Variants in CFAP299 observed in about 807,000 individuals in gnomAD.
The protein encoded by CFAP299 is cilia and flagella associated protein 299.
CFAP299 carries 21 observed loss-of-function variants against 27.0 expected under a neutral mutation model. The observed-to-expected ratio is 0.78, with a 90% CI of 0.55 to 1.12. The LOEUF is 1.12. CFAP299 is among the 50% of genes most tolerant of loss of function. CFAP299 has a pLI of 0.00. For missense variants in CFAP299, 310 were observed against 276.6 expected (o/e 1.12, Z -0.86); for synonymous variants, 104 against 98.1 (o/e 1.06, Z -0.36).
the CFAP299 span, among the ~76,000 whole-genome samples, chr4:80,325,114 C>T: frequency 1.3e-5 from 2 of 152,220 alleles, no homozygotes; most frequent in African/African-American, 4.8e-5. Flanking sequence ...CAGAGCGAGA[C>T]TCCGTCTCAA....
chr4:80,668,091 C>T (rs913770500), intron 3 of CFAP299, among the ~76,000 whole-genome samples: 1 of 151,794 alleles, frequency 6.6e-6, no homozygotes, highest in African/African-American at 2.4e-5. Context: ...AGCTTTTTAT[C>T]TGTTGGCCCT....
rs182128877 is a variant in CFAP299, at chr4:80,456,093, T to G, written c.242+93209T>G. On this transcript the variant is annotated intron_variant, in intron 2 of 5. Coordinates refer to ENST00000358105, the MANE Select transcript of CFAP299 (RefSeq NM_152770.3). ...AAGGCCTTATTTAGAAGATGACATT[T>G]GAGCAAAAAGCTTAATGAACTAAGG... is the stretch of plus-strand genomic sequence containing the variant. 2.0e-5 allele frequency among the ~76,000 whole-genome samples: 3 copies of G among 152,222 alleles called. 1 individual carries two copies. Among genetic ancestry groups the G allele is most frequent in the South Asian group, 4.1e-4 (2 of 4,826 alleles).
chr4:80,647,083 A>G (rs917549113), intron 3 of CFAP299, among the ~76,000 whole-genome samples: 5 of 152,102 alleles, frequency 3.3e-5, no homozygotes, highest in African/African-American at 1.2e-4. Context: ...TAAGATTTAG[A>G]TATAGATAAA....
chr4:80,368,899 G>A (rs1422923473), intron 2 of CFAP299, among the ~76,000 whole-genome samples: 2 of 152,170 alleles, frequency 1.3e-5, no homozygotes, highest in Non-Finnish European at 2.9e-5. Flanking sequence ...TTGCAGATTA[G>A]CATCTCCAGG....
At chr4:80,957,546 T>TA (rs1430653837) in intron 5 of CFAP299, among the ~76,000 whole-genome samples, 1 of 151,896 alleles carries the variant, frequency 6.6e-6, no homozygotes, top group African/African-American at 2.4e-5. Context: ...AGCAGAGACA[T>TA]AAAAAAGGAA....
intron 3 of CFAP299, among the ~76,000 whole-genome samples, chr4:80,663,966 A>G (rs1228520420): frequency 6.6e-6 from 1 of 152,022 alleles, no homozygotes; most frequent in Admixed American, 6.6e-5. Flanking sequence ...CCCTTTGCCC[A>G]CTTTTTGATA....
Position 80,939,264 on chromosome 4 carries a change from A to C in CFAP299, c.477-5546A>C, listed in dbSNP as rs185283549. Among the ~76,000 whole-genome samples the C allele has an allele frequency of 4.1e-3, 617 of 152,076 alleles. 1 individual carries two copies. Among genetic ancestry groups the C allele is most frequent in the Middle Eastern group, 0.014 (4 of 294 alleles). On this transcript the variant is annotated intron_variant, in intron 4 of 5. Coordinates refer to ENST00000358105, the MANE Select transcript of CFAP299 (RefSeq NM_152770.3). ...ATTATTTCTTTAAGTAAACTATTTTATTTTCTTTTTCTCTGTTCCTTCTGG... is the reference window on the plus strand; with the variant it reads ...ATTATTTCTTTAAGTAAACTATTTTCTTTTCTTTTTCTCTGTTCCTTCTGG...
At chr4:80,468,426 G>A (rs982283915) in intron 2 of CFAP299, among the ~76,000 whole-genome samples, 2 of 151,766 alleles carry the variant, frequency 1.3e-5, no homozygotes, top group Non-Finnish European at 2.9e-5. Flanking sequence ...GTTTTCCCAT[G>A]TTGCCCAGGC....
rs150841994 is a variant in CFAP299, at chr4:80,440,412, G to T, written c.242+77528G>T. On this transcript the variant is annotated intron_variant, in intron 2 of 5. Coordinates refer to ENST00000358105, the MANE Select transcript of CFAP299 (RefSeq NM_152770.3). ...TCCTCTGGTGTTACTCAGGCAAACA[G>T]GGTCTGGGGTGGACCTTCAGCAAAC... is the stretch of plus-strand genomic sequence containing the variant. 6.2e-3 allele frequency among the ~76,000 whole-genome samples: 942 copies of T among 152,284 alleles called. 2 individuals are homozygous for T. Among genetic ancestry groups the T allele is most frequent in the Middle Eastern group, 0.024 (7 of 294 alleles).
At chr4:80,812,834 T>C (rs892743402) in intron 3 of CFAP299, among the ~76,000 whole-genome samples, 2 of 152,150 alleles carry the variant, frequency 1.3e-5, no homozygotes, top group African/African-American at 4.8e-5. Flanking sequence ...TTGAGATTTC[T>C]ATATTACTTA....
intron 3 of CFAP299, among the ~76,000 whole-genome samples, chr4:80,821,811 TCA>T (rs984392008): frequency 6.6e-6 from 1 of 152,002 alleles, no homozygotes; most frequent in Non-Finnish European, 1.5e-5. Context: ...TGCAGAGTAC[TCA>T]CAGTGCAGGA....
intron 2 of CFAP299, among the ~76,000 whole-genome samples, chr4:80,433,520 T>A (rs746851348): frequency 6.6e-6 from 1 of 152,280 alleles, no homozygotes; most frequent in East Asian, 1.9e-4. Flanking sequence ...ATTCTTCAAA[T>A]AAAAGCACAG....
the CFAP299 span, among the ~76,000 whole-genome samples, chr4:80,325,662 T>C: frequency 6.6e-6 from 1 of 152,226 alleles, no homozygotes; most frequent in Non-Finnish European, 1.5e-5. Context: ...TTCTTAGAAA[T>C]CATAACATGT....
chr4:80,423,936 C>T (rs1402574706), intron 2 of CFAP299, among the ~76,000 whole-genome samples: 2 of 152,204 alleles, frequency 1.3e-5, no homozygotes, highest in African/African-American at 4.8e-5. Context: ...GGATCTTTCA[C>T]TGCTGGCTCC....
intron 3 of CFAP299, among the ~76,000 whole-genome samples, chr4:80,755,515 C>T (rs754444623): frequency 1.6e-4 from 25 of 152,020 alleles, no homozygotes; most frequent in Non-Finnish European, 3.1e-4. Flanking sequence ...AGGATTCTAC[C>T]ATTTGACTAT....
At chr4:80,522,609 C>T (rs1333978455) in intron 2 of CFAP299, among the ~76,000 whole-genome samples, 1 of 152,010 alleles carries the variant, frequency 6.6e-6, no homozygotes, top group Non-Finnish European at 1.5e-5. Flanking sequence ...CATATGTTTT[C>T]TTCTAGGAGA....
At chr4:80,634,643 TG>T (rs565414234) in intron 3 of CFAP299, among the ~76,000 whole-genome samples, 3 of 152,200 alleles carry the variant, frequency 2.0e-5, no homozygotes, top group Non-Finnish European at 4.4e-5. Flanking sequence ...TTACAGCATA[TG>T]GGGGAATAGA....
At chr4:80,373,905 G>A (rs140972917) in intron 2 of CFAP299, among the ~76,000 whole-genome samples, 1 of 152,168 alleles carries the variant, frequency 6.6e-6, no homozygotes, top group Non-Finnish European at 1.5e-5. Flanking sequence ...TGCTATTAAC[G>A]ACTGGCTATC....
chr4:80,709,466 A>G (rs1355281959), intron 3 of CFAP299, among the ~76,000 whole-genome samples: 1 of 152,160 alleles, frequency 6.6e-6, no homozygotes, highest in African/African-American at 2.4e-5. Flanking sequence ...TACTACGTTT[A>G]AGAACTTTAT....
Sources: gnomAD v4.1 joint callset for allele counts (sites outside exome capture counted in the v4.1 genomes callset) on GRCh38, gnomAD v4.1.1 for gene constraint, MANE v1.5 for transcripts, NCBI Gene and HGNC (gene_info 2026-07-23, HGNC 2026-07-21) for gene names.